CCDC88A: variants seen among roughly 807,000 people sequenced by gnomAD.
CCDC88A encodes coiled-coil and HOOK domain protein 88A.
A neutral mutation model predicts 234.3 loss-of-function variants in CCDC88A; 54 were observed. That is an observed-to-expected ratio of 0.23 (90% CI 0.19 to 0.29). The LOEUF (loss-of-function observed/expected upper bound fraction) is 0.29. Among genes scored for constraint, CCDC88A ranks in the 10% least tolerant of loss-of-function variants. CCDC88A has a pLI of 1.00. For missense variants in CCDC88A, 1,832 were observed against 2,123.4 expected, an observed-to-expected ratio of 0.86 and a Z score of 2.70; for synonymous variants, 753 against 737.8, an observed-to-expected ratio of 1.02 and a Z score of -0.33.
chr2:55,374,523 T>G (rs1673303961), intron 4 of CCDC88A, among the ~76,000 whole-genome samples: 1 of 152,216 alleles, frequency 6.6e-6, no homozygotes, highest in African/African-American at 2.4e-5. Flanking sequence ...AGTTTGTAAC[T>G]ACATCATCTT....
rs1668566427 is a variant in CCDC88A at position 55,341,947 on chromosome 2, G to A, written c.1333+1701C>T. 3.3e-5 allele frequency among the ~76,000 whole-genome samples: 5 copies of A among 152,076 alleles called. No individual in the cohort carries two copies. In the South Asian group the frequency reaches 1.0e-3, roughly 32 times the overall value. The stretch of plus-strand genomic sequence containing the variant: ...ATATATACCCAGGAGCAAAACTGCT[G>A]AATGCTATGAGAGTTCTATTTCTAA... On this transcript the variant is annotated intron_variant, in intron 12 of 32. Transcript: ENST00000436346.
chr2:55,344,640 A>T (rs1668875054), intron 10 of CCDC88A, 126 bp from the exon 11 acceptor site: 1 of 467,810 alleles, frequency 2.1e-6, no homozygotes, highest in East Asian at 3.5e-5. Context: ...CCTACTGAGT[A>T]ATAGAAATAC....
intron 27 of CCDC88A, 23 bp downstream of exon 27, chr2:55,301,849 T>C (rs747034027): frequency 6.2e-7 from 1 of 1,601,210 alleles, no homozygotes; most frequent in African/African-American, 1.3e-5. Flanking sequence ...TACACCACAG[T>C]GCAAATAGCA....
Position 55,316,130 on chromosome 2 carries a change from A to G in CCDC88A, c.3747-16T>C. 1 of 1,118,276 alleles carries G rather than the reference A, an allele frequency of 8.9e-7. No homozygotes were observed. Among genetic ancestry groups the G allele is most frequent in the Non-Finnish European group, 1.3e-6 (1 of 794,848 alleles). 69.3% of individuals were successfully genotyped at this position (1,118,276 alleles called of 1,614,324 possible). ...ATGATTCAGCCTATAATTAGAAATC[A>G]TAGAAATATAATTAGATTATCTTAA... On this transcript the variant is annotated splice_polypyrimidine_tract_variant and intron_variant, in intron 21 of 32. Transcript: ENST00000436346.
chr2:55,415,413 C>A (rs1294169360), intron 2 of CCDC88A, among the ~76,000 whole-genome samples: 2 of 152,202 alleles, frequency 1.3e-5, no homozygotes, highest in African/African-American at 2.4e-5. Context: ...ATACATAAAA[C>A]GTTTTTCAAG....
intron 18 of CCDC88A, 126 bp downstream of exon 18, chr2:55,322,402 G>A: frequency 3.3e-6 from 2 of 609,144 alleles, no homozygotes; most frequent in East Asian, 2.9e-5. Flanking sequence ...AGGACTATAT[G>A]ACTAGAATTT....
At chr2:55,331,304 T>C (rs1166574884) in intron 16 of CCDC88A, among the ~76,000 whole-genome samples, 1 of 152,244 alleles carries the variant, frequency 6.6e-6, no homozygotes, top group African/African-American at 2.4e-5. Flanking sequence ...GAAATATCTG[T>C]ACAATTAATT....
chr2:55,403,007 T>TA (rs796738828), intron 2 of CCDC88A, among the ~76,000 whole-genome samples: 2,642 of 142,488 alleles, frequency 0.019, 75 homozygotes, highest in African/African-American at 0.059. Context: ...AGACTCCGTC[T>TA]AAAAAAAAAA....
At chr2:55,299,198 C>A (rs1003709652) in intron 29 of CCDC88A, among the ~76,000 whole-genome samples, 1 of 151,968 alleles carries the variant, frequency 6.6e-6, no homozygotes, top group African/African-American at 2.4e-5. Context: ...AGTGAGACTC[C>A]GTCTCAAAAC....
chr2:55,373,912 T>C (rs1044970860), intron 4 of CCDC88A, among the ~76,000 whole-genome samples: 5 of 152,204 alleles, frequency 3.3e-5, no homozygotes, highest in African/African-American at 7.2e-5. Flanking sequence ...GATAAGCCCA[T>C]TGTTGAAACT....
chr2:55,414,130 A>G (rs573064711), intron 2 of CCDC88A, among the ~76,000 whole-genome samples: 98 of 152,328 alleles, frequency 6.4e-4, no homozygotes, highest in African/African-American at 2.3e-3. Flanking sequence ...TGAATCATAA[A>G]TAATAATTCC....
At position 55,317,291 on chromosome 2, in the gene CCDC88A, C is replaced by A. The variant is rs868693192; in HGVS notation, c.3661G>T (p.Val1221Leu). The A allele has an allele frequency of 6.4e-7, 1 of 1,553,672 alleles. No individual in the cohort carries two copies. The highest frequency in any genetic ancestry group is 8.7e-7 in the Non-Finnish European group (1 of 1,146,066). Residue 1221 changes from valine (V) to leucine (L), a missense_variant, in exon 21 of 33, where the codon GTA (valine) becomes TTA (leucine). Around this residue, in one of 6 missense-constraint regions of CCDC88A, gnomAD observed 1,282 missense variants for 1,543.6 expected, o/e 0.83. Transcript: ENST00000436346. The surrounding 1 kb of genome is among the most constrained non-coding windows in gnomAD (Gnocchi z 4.2). ...TCAAGCAGCATTTTTTCCTGTTCTA[C>A]TTTGAGCATTTTTTCCAAATCTTCC... ...QLEDLEKMLKVEQEKMLLENK... is the reference protein window; with the variant it reads ...QLEDLEKMLKLEQEKMLLENK...
chr2:55,366,369 T>C (rs1229546670), intron 5 of CCDC88A, among the ~76,000 whole-genome samples: 1 of 151,834 alleles, frequency 6.6e-6, no homozygotes, highest in Non-Finnish European at 1.5e-5. Flanking sequence ...CTATTAAAAA[T>C]ACAAAAAATT....
intron 4 of CCDC88A, among the ~76,000 whole-genome samples, chr2:55,374,346 C>A (rs1673276597): frequency 6.6e-6 from 1 of 151,938 alleles, no homozygotes; most frequent in Admixed American, 6.6e-5. Context: ...CTAGCCTGGG[C>A]AACAAGAGCG....
chr2:55,295,479 G>A, intron 31 of CCDC88A, 118 bp downstream of exon 31: 1 of 1,586,674 alleles, frequency 6.3e-7, no homozygotes, highest in Non-Finnish European at 8.6e-7. Flanking sequence ...TGAGTTTCTA[G>A]CCTGGGCATA....
intron 2 of CCDC88A, among the ~76,000 whole-genome samples, chr2:55,408,433 G>T (rs1679954799): frequency 6.6e-6 from 1 of 152,064 alleles, no homozygotes; most frequent in Non-Finnish European, 1.5e-5. Context: ...ATAAGAGGTT[G>T]GCACAAGATA....
intron 17 of CCDC88A, among the ~76,000 whole-genome samples, chr2:55,324,703 T>C (rs1684046371): frequency 6.6e-6 from 1 of 152,038 alleles, no homozygotes; most frequent in South Asian, 2.1e-4. Flanking sequence ...TGGAGTGCAG[T>C]GGTGCAATTT....
chr2:55,338,087 T>G (rs1296130442), intron 13 of CCDC88A, among the ~76,000 whole-genome samples: 2 of 152,182 alleles, frequency 1.3e-5, no homozygotes, highest in African/African-American at 4.8e-5. Flanking sequence ...AAATCATTTT[T>G]ACAATTAATC....
At chr2:55,382,192 TA>T (rs1458173179) in intron 3 of CCDC88A, among the ~76,000 whole-genome samples, 4 of 152,218 alleles carry the variant, frequency 2.6e-5, no homozygotes, top group Non-Finnish European at 5.9e-5. Context: ...TGTTGCTTAT[TA>T]TAACAGACAT....
Sources: allele counts gnomAD v4.1 joint callset (sites outside exome capture counted in the v4.1 genomes callset), GRCh38; gene constraint gnomAD v4.1.1; regional missense constraint gnomAD v4.1.1; non-coding constraint Gnocchi (gnomAD v3.1); transcripts MANE v1.5; gene names NCBI Gene and HGNC (gene_info 2026-07-23, HGNC 2026-07-21).